TENM1: variants seen among roughly 807,000 people sequenced by gnomAD.
The protein encoded by TENM1 is teneurin-1.
TENM1 carries 35 observed loss-of-function variants against 174.8 expected under a neutral mutation model. The ratio of observed to expected loss-of-function variants is 0.20; its 90% confidence interval spans 0.15 to 0.27. TENM1 has a LOEUF of 0.27. TENM1 is among the 10% of genes least tolerant of loss of function. TENM1 has a pLI of 1.00. For synonymous variants in TENM1, 781 were observed against 798.7 expected, an observed-to-expected ratio of 0.98 and a Z score of 0.37; for missense variants, 1,633 against 2,130.1, an observed-to-expected ratio of 0.77 and a Z score of 4.59.
rs199658746 is a variant in TENM1, at chrX:124,629,913, C to A, written c.2077+11878G>T. ...CTGAATGGTATATTGGATAAAAGATCTAAACCAGAAATCACAGTACCTGTT... is the reference window on the plus strand; with the variant it reads ...CTGAATGGTATATTGGATAAAAGATATAAACCAGAAATCACAGTACCTGTT... On this transcript the variant is annotated intron_variant, in intron 11 of 31. Transcript: ENST00000422452. 2.7e-5 allele frequency among the ~76,000 whole-genome samples: 3 copies of A among 112,122 alleles called. No individual in the cohort carries two copies. The East Asian group carries it at 8.4e-4, about 31-fold the overall frequency.
the TENM1 span, among the ~76,000 whole-genome samples, chrX:124,970,710 T>C: frequency 1.8e-5 from 2 of 111,657 alleles, no homozygotes; most frequent in South Asian, 3.8e-4. Context: ...AGTTCAACCA[T>C]TGTGGAAGAC....
chrX:124,992,989 A>G, the TENM1 span, among the ~76,000 whole-genome samples: 1 of 111,186 alleles, frequency 9.0e-6, no homozygotes, highest in Non-Finnish European at 1.9e-5. Flanking sequence ...AATAGACAAG[A>G]CTAGTGGCTT....
chrX:125,197,323 C>T, the TENM1 span, among the ~76,000 whole-genome samples: 3 of 111,592 alleles, frequency 2.7e-5, no homozygotes, highest in Non-Finnish European at 5.7e-5. Flanking sequence ...ATCCTGAATA[C>T]TTACAACACC....
intron 5 of TENM1, among the ~76,000 whole-genome samples, chrX:124,678,422 C>G (rs1472412501): frequency 7.2e-5 from 8 of 110,848 alleles, no homozygotes; most frequent in Non-Finnish European, 9.5e-5. Context: ...GCTGTGAAAA[C>G]CAAAAGGATA....
intron 31 of TENM1, among the ~76,000 whole-genome samples, chrX:124,382,194 C>G (rs757137620): frequency 6.3e-5 from 7 of 111,783 alleles, no homozygotes; most frequent in African/African-American, 1.9e-4. Flanking sequence ...TTTCTCAAAA[C>G]TGTACCCTTG....
rs776142900 is a variant in TENM1 at position 124,589,007 on chromosome X, C to A, written c.2078-23447G>T. On this transcript the variant is annotated intron_variant, in intron 11 of 31. Transcript: ENST00000422452. ...TCAAGGGGAATGCTTCCAGTTTTTG[C>A]CTGTTCAGTATGATGTTGGCTGTGA... 1.6e-3 allele frequency among the ~76,000 whole-genome samples: 173 copies of A among 110,312 alleles called. 1 individual carries two copies. Among genetic ancestry groups the A allele is most frequent in the African/African-American group, 5.5e-3 (166 of 30,402 alleles).
chrX:125,020,123 G>T, the TENM1 span, among the ~76,000 whole-genome samples: 7 of 110,871 alleles, frequency 6.3e-5, no homozygotes, highest in African/African-American at 2.3e-4. Flanking sequence ...ATCCACACTA[G>T]CAGGAGTAGT....
the TENM1 span, among the ~76,000 whole-genome samples, chrX:125,061,760 T>C: frequency 9.0e-6 from 1 of 111,721 alleles, no homozygotes; most frequent in Admixed American, 9.5e-5. Context: ...CTACTAAAAA[T>C]ACAAAACAAA....
chrX:125,129,299 T>C, the TENM1 span, among the ~76,000 whole-genome samples: 1 of 111,918 alleles, frequency 8.9e-6, no homozygotes, highest in Non-Finnish European at 1.9e-5. Flanking sequence ...TACAAGAGAG[T>C]ATTAAAAACA....
intron 20 of TENM1, among the ~76,000 whole-genome samples, chrX:124,493,374 A>G (rs2047113831): frequency 8.9e-6 from 1 of 111,762 alleles, no homozygotes; most frequent in East Asian, 2.8e-4. Context: ...TACAAAGAAA[A>G]GGACTAAATT....
intron 11 of TENM1, among the ~76,000 whole-genome samples, chrX:124,586,406 C>T (rs2148235006): frequency 9.3e-6 from 1 of 108,074 alleles, no homozygotes; most frequent in East Asian, 2.9e-4. Flanking sequence ...GAAATGTAAT[C>T]CAGCATATAA....
At chrX:124,433,986 C>T (rs963800951) in intron 23 of TENM1, among the ~76,000 whole-genome samples, 3 of 111,673 alleles carry the variant, frequency 2.7e-5, no homozygotes, top group African/African-American at 9.8e-5. Flanking sequence ...CCATTTTGGT[C>T]TGGGGAGTCT....
chrX:124,386,530 C>T (rs975559524), intron 28 of TENM1, among the ~76,000 whole-genome samples: 4 of 110,494 alleles, frequency 3.6e-5, no homozygotes, highest in African/African-American at 1.3e-4. Context: ...AAAAAGAACA[C>T]GGCTTTTTCA....
intron 18 of TENM1, among the ~76,000 whole-genome samples, chrX:124,518,372 G>A (rs1267336213): frequency 2.2e-5 from 2 of 89,898 alleles, no homozygotes; most frequent in African/African-American, 8.4e-5. Flanking sequence ...GAGAAGGACA[G>A]AAAAGAGATT....
At chrX:124,508,013 A>C (rs150426084) in intron 18 of TENM1, among the ~76,000 whole-genome samples, 64 of 112,717 alleles carry the variant, frequency 5.7e-4, no homozygotes, top group African/African-American at 1.9e-3. Flanking sequence ...GAATTATTGA[A>C]TATAGCAATA....
chrX:124,927,458 T>A (rs944431616), intron 1 of TENM1, among the ~76,000 whole-genome samples: 1 of 111,726 alleles, frequency 9.0e-6, no homozygotes, highest in Non-Finnish European at 1.9e-5. Context: ...CACTGAGTGA[T>A]AGAAAAATAA....
chrX:124,759,358 G>A (rs766114177), intron 3 of TENM1, among the ~76,000 whole-genome samples: 115 of 111,190 alleles, frequency 1.0e-3, no homozygotes, highest in African/African-American at 3.5e-3. Context: ...TTTGGGGAAC[G>A]GGTGGTATTT....
chrX:125,105,093 G>A, the TENM1 span, among the ~76,000 whole-genome samples: 1 of 111,943 alleles, frequency 8.9e-6, no homozygotes, highest in African/African-American at 3.2e-5. Flanking sequence ...TGTAGGTTTG[G>A]TTTGATGATA....
intron 20 of TENM1, 86 bp downstream of exon 23, chrX:124,496,930 T>C (rs2047214103): frequency 9.7e-7 from 1 of 1,027,278 alleles, no homozygotes; most frequent in Admixed American, 2.5e-5. Flanking sequence ...ATTTTCTGCT[T>C]CTACTGGCAG....
Sources: gnomAD v4.1 joint callset for allele counts (sites outside exome capture counted in the v4.1 genomes callset) on GRCh38, gnomAD v4.1.1 for gene constraint, MANE v1.5 for transcripts, NCBI Gene and HGNC (gene_info 2026-07-23, HGNC 2026-07-21) for gene names.